NRG1: variants seen among roughly 807,000 people sequenced by gnomAD.
NRG1 encodes the protein pro-neuregulin-1, membrane-bound isoform.
Under a neutral mutation model 63.8 loss-of-function variants are expected in NRG1, and 18 were observed. That is an observed-to-expected ratio of 0.28 (90% CI 0.19 to 0.42). NRG1 has a LOEUF of 0.42. Among genes scored for constraint, NRG1 ranks in the 10% least tolerant of loss-of-function variants. The pLI is 1.00. For missense variants in NRG1, 762 were observed against 814.7 expected, an observed-to-expected ratio of 0.94 and a Z score of 0.79; for synonymous variants, 302 against 301.3, an observed-to-expected ratio of 1.00 and a Z score of -0.02.
rs138757743 is a variant in NRG1 at position 32,058,396 on chromosome 8, A to G, written c.37+418965A>G. Among the ~76,000 whole-genome samples the G allele has an allele frequency of 2.7e-3, 406 of 152,168 alleles. 3 individuals carry two copies. The highest frequency in any genetic ancestry group is 9.3e-3 in the African/African-American group (387 of 41,560). ...ATGCATTGCACACAGGAACCACTCC[A>G]TAATTACAATTAAAATTATTATACA... On this transcript the variant is annotated intron_variant, in intron 1 of 10. Coordinates refer to the NRG1 transcript ENST00000519301.
intron 1 of NRG1, among the ~76,000 whole-genome samples, chr8:31,976,085 C>T (rs1042287756): frequency 6.6e-5 from 10 of 152,112 alleles, no homozygotes; most frequent in South Asian, 2.1e-4. Flanking sequence ...TGTAAAGTGA[C>T]ATGTTGTATA....
At chr8:32,334,209 G>C (rs1445580154) in intron 1 of NRG1, among the ~76,000 whole-genome samples, 1 of 152,078 alleles carries the variant, frequency 6.6e-6, no homozygotes, top group Non-Finnish European at 1.5e-5. Flanking sequence ...TTAGTGTCCA[G>C]CATGGAGAAA....
intron 1 of NRG1, among the ~76,000 whole-genome samples, chr8:32,053,239 G>T (rs919046317): frequency 6.6e-6 from 1 of 152,152 alleles, no homozygotes; most frequent in Non-Finnish European, 1.5e-5. Flanking sequence ...ACCAAAAGGT[G>T]TGTGAGGGCT....
At chr8:32,037,505 T>C (rs1051235787) in intron 1 of NRG1, among the ~76,000 whole-genome samples, 1 of 152,110 alleles carries the variant, frequency 6.6e-6, no homozygotes, top group Admixed American at 6.5e-5. Context: ...CTGCCCTGAC[T>C]CTCCAGAGCT....
intron 1 of NRG1, among the ~76,000 whole-genome samples, chr8:31,990,423 G>T (rs931772708): frequency 3.3e-5 from 5 of 152,014 alleles, no homozygotes; most frequent in African/African-American, 1.2e-4. Context: ...AGACAAGACA[G>T]GACTGAGATA....
intron 1 of NRG1, among the ~76,000 whole-genome samples, chr8:31,818,186 G>A (rs1823638993): frequency 6.6e-6 from 1 of 152,190 alleles, no homozygotes; most frequent in African/African-American, 2.4e-5. Flanking sequence ...AGGTGAATCA[G>A]TATTAATAAT....
intron 1 of NRG1, among the ~76,000 whole-genome samples, chr8:32,450,924 C>T (rs951140853): frequency 4.2e-4 from 64 of 152,030 alleles, no homozygotes; most frequent in African/African-American, 1.5e-3. Context: ...AGGAAGCTTC[C>T]CAGAACCATT....
intron 3 of NRG1, among the ~76,000 whole-genome samples, chr8:32,610,808 T>C (rs184250416): frequency 7.3e-4 from 111 of 152,276 alleles, no homozygotes; most frequent in Non-Finnish European, 1.2e-3. Context: ...AAAGACCAGT[T>C]GGGTTTTCAT....
At chr8:32,556,252 A>G (rs986110337) in intron 1 of NRG1, among the ~76,000 whole-genome samples, 6 of 152,242 alleles carry the variant, frequency 3.9e-5, no homozygotes, top group Non-Finnish European at 7.3e-5. Context: ...GTTTTTGATA[A>G]TTAAATAGGA....
intron 1 of NRG1, among the ~76,000 whole-genome samples, chr8:32,228,875 A>C (rs1412110115): frequency 3.9e-5 from 6 of 152,326 alleles, no homozygotes; most frequent in African/African-American, 1.4e-4. Flanking sequence ...CTTTAGAAAT[A>C]AACTTGAGTC....
chr8:31,697,435 C>T (rs1810187119), intron 1 of NRG1, among the ~76,000 whole-genome samples: 1 of 152,164 alleles, frequency 6.6e-6, no homozygotes, highest in African/African-American at 2.4e-5. Flanking sequence ...TAGAAGTGAA[C>T]ATTTCTAATC....
At chr8:32,253,528 C>A (rs1849354015) in intron 1 of NRG1, among the ~76,000 whole-genome samples, 1 of 152,106 alleles carries the variant, frequency 6.6e-6, no homozygotes, top group Admixed American at 6.6e-5. Flanking sequence ...GCCTTGCATC[C>A]CAGGGATGAG....
chr8:31,772,013 G>A (rs986352105), intron 1 of NRG1, among the ~76,000 whole-genome samples: 1 of 152,146 alleles, frequency 6.6e-6, no homozygotes, highest in Non-Finnish European at 1.5e-5. Context: ...ACTGTTACCC[G>A]AAGGCAATTA....
chr8:32,341,676 G>T (rs546309827), intron 1 of NRG1, among the ~76,000 whole-genome samples: 2 of 152,136 alleles, frequency 1.3e-5, no homozygotes, highest in East Asian at 1.9e-4. Context: ...CCGTTCTCAG[G>T]CAGTGATAGG....
chr8:31,974,558 T>C (rs1807844910), intron 1 of NRG1, among the ~76,000 whole-genome samples: 1 of 152,126 alleles, frequency 6.6e-6, no homozygotes, highest in Non-Finnish European at 1.5e-5. Flanking sequence ...AGTCTATTCA[T>C]TCAGTCATCA....
intron 1 of NRG1, among the ~76,000 whole-genome samples, chr8:32,374,870 G>A (rs1285491238): frequency 6.6e-6 from 1 of 152,168 alleles, no homozygotes; most frequent in African/African-American, 2.4e-5. Flanking sequence ...TAGTGGAGGA[G>A]GGTTGTAACC....
chr8:32,122,010 AT>A (rs1193448643), intron 1 of NRG1, among the ~76,000 whole-genome samples: 3 of 151,964 alleles, frequency 2.0e-5, no homozygotes. Flanking sequence ...AGTATATTTT[AT>A]TGATTTGTCT....
At chr8:32,309,273 T>C (rs1856554748) in intron 1 of NRG1, among the ~76,000 whole-genome samples, 1 of 152,156 alleles carries the variant, frequency 6.6e-6, no homozygotes. Context: ...ACCTGATATA[T>C]ACACTTAACA....
intron 1 of NRG1, among the ~76,000 whole-genome samples, chr8:31,710,681 A>C (rs1811652750): frequency 6.6e-6 from 1 of 152,086 alleles, no homozygotes; most frequent in African/African-American, 2.4e-5. Context: ...TTGCCAGTAT[A>C]TCTTTTTCCA....
Sources: gnomAD v4.1 joint callset for allele counts (sites outside exome capture counted in the v4.1 genomes callset) on GRCh38, gnomAD v4.1.1 for gene constraint, MANE v1.5 for transcripts, NCBI Gene and HGNC (gene_info 2026-07-23, HGNC 2026-07-21) for gene names.